The following ZFAND3 variants were observed in gnomAD, a reference collection of about 807,000 sequenced individuals.
ZFAND3 encodes AN1-type zinc finger protein 3.
ZFAND3 carries 10 observed loss-of-function variants against 29.6 expected under a neutral mutation model. The ratio of observed to expected loss-of-function variants is 0.34; its 90% CI spans 0.21 to 0.57. The LOEUF (loss-of-function observed/expected upper bound fraction) is 0.57, where lower values mean the gene tolerates loss of function less well. ZFAND3 is among the 20% of genes least tolerant of loss of function. The probability of loss-of-function intolerance (pLI) is 0.86; values close to 1 mark genes in which losing one functional copy is unlikely to be tolerated. For synonymous variants in ZFAND3, 128 were observed against 112.6 expected (o/e 1.14, Z -0.87); for missense variants, 230 against 304.5 (o/e 0.76, Z 1.82).
chr6:38,037,497 A>C (rs1763681526), intron 2 of ZFAND3, among the ~76,000 whole-genome samples: 1 of 152,226 alleles, frequency 6.6e-6, no homozygotes, highest in South Asian at 2.1e-4. Flanking sequence ...TCTTGATAAA[A>C]ATTTTTCCAT....
At chr6:37,822,715 G>A (rs1367693883) in intron 1 of ZFAND3, among the ~76,000 whole-genome samples, 6 of 152,180 alleles carry the variant, frequency 3.9e-5, no homozygotes, top group Admixed American at 2.6e-4. Context: ...TGACACTTTA[G>A]CCTAGACCCA....
At chr6:37,894,047 G>A (rs1765152826) in intron 1 of ZFAND3, among the ~76,000 whole-genome samples, 1 of 152,078 alleles carries the variant, frequency 6.6e-6, no homozygotes, top group Non-Finnish European at 1.5e-5. Context: ...TTGAGTCCAG[G>A]AGTTCAAGAG....
At chr6:37,955,149 TTG>T (rs3047089) in intron 2 of ZFAND3, among the ~76,000 whole-genome samples, 13 of 148,786 alleles carry the variant, frequency 8.7e-5, no homozygotes, top group South Asian at 6.5e-4. Flanking sequence ...CAACCAATTT[TTG>T]TGTGTGTGTG....
At chr6:37,864,030 A>C (rs1350823125) in intron 1 of ZFAND3, among the ~76,000 whole-genome samples, 3 of 152,154 alleles carry the variant, frequency 2.0e-5, no homozygotes, top group Non-Finnish European at 4.4e-5. Flanking sequence ...AAAAGTTTGA[A>C]TGTGAATTGG....
chr6:37,975,976 A>G (rs1326624178), intron 2 of ZFAND3, among the ~76,000 whole-genome samples: 1 of 151,564 alleles, frequency 6.6e-6, no homozygotes, highest in East Asian at 1.9e-4. Flanking sequence ...GAAAATTTAC[A>G]TCTTAACAAT....
chr6:37,850,562 C>G (rs574429895), intron 1 of ZFAND3, among the ~76,000 whole-genome samples: 1 of 152,250 alleles, frequency 6.6e-6, no homozygotes, highest in East Asian at 1.9e-4. Context: ...ACAAATACCA[C>G]TGTGTCACAG....
At chr6:37,997,650 C>G (rs745952854) in intron 2 of ZFAND3, among the ~76,000 whole-genome samples, 1 of 152,158 alleles carries the variant, frequency 6.6e-6, no homozygotes, top group Non-Finnish European at 1.5e-5. Context: ...CCTTGTGCTC[C>G]TGGGTGAATT....
intron 5 of ZFAND3, among the ~76,000 whole-genome samples, chr6:38,144,274 G>C (rs1766057386): frequency 7.0e-6 from 1 of 143,644 alleles, no homozygotes; most frequent in Non-Finnish European, 1.5e-5. Context: ...AGGAAGATGG[G>C]TCGGGGATAT....
intron 3 of ZFAND3, among the ~76,000 whole-genome samples, chr6:38,081,224 C>G (rs1764654799): frequency 1.3e-5 from 2 of 151,490 alleles, no homozygotes; most frequent in African/African-American, 4.9e-5. Context: ...TAGGTATTTG[C>G]TAAGTGTTCT....
chr6:37,859,528 C>G (rs1341281826), intron 1 of ZFAND3, among the ~76,000 whole-genome samples: 1 of 152,132 alleles, frequency 6.6e-6, no homozygotes, highest in Non-Finnish European at 1.5e-5. Context: ...TTCTACCTAC[C>G]AATTTTCTGA....
chr6:37,822,609 A>C (rs2025431), intron 1 of ZFAND3, among the ~76,000 whole-genome samples: 32,608 of 152,104 alleles, frequency 0.21, 4,305 homozygotes, highest in African/African-American at 0.36. Context: ...GGCACAGGGA[A>C]GTAAACTGAC....
intron 1 of ZFAND3, among the ~76,000 whole-genome samples, chr6:37,903,894 A>G (rs770313325): frequency 6.6e-6 from 1 of 152,322 alleles, no homozygotes; most frequent in East Asian, 1.9e-4. Context: ...TCAAAGGGCA[A>G]TATGACGAAA....
Position 38,097,249 on chromosome 6 carries a change from ATTTTTT to A in ZFAND3, c.361+14807_361+14812del, listed in dbSNP as rs1190146160. ...CACCAGCACACCCGGTTAATTTTTC[ATTTTTT>A]TTTTTTTTTTTTTTAAGAGACGGAG... is the stretch of plus-strand genomic sequence containing the variant. On this transcript the variant is annotated intron_variant, in intron 4 of 5. Transcript: ENST00000287218. Among the ~76,000 whole-genome samples the A allele has an allele frequency of 6.5e-5, 8 of 123,476 alleles. No individual in the cohort carries two copies. In the East Asian group the frequency reaches 9.2e-4, roughly 14 times the overall value. The allele number at this position is 123,476 out of a possible 152,430, so 81.0% of individuals were successfully genotyped here. A position where few individuals can be genotyped will look rare whatever the true frequency, so the allele number is the denominator to read the frequency against.
At chr6:38,051,671 A>T (rs575641750) in intron 2 of ZFAND3, among the ~76,000 whole-genome samples, 142 of 152,358 alleles carry the variant, frequency 9.3e-4, no homozygotes, top group Admixed American at 2.0e-3. Flanking sequence ...CCCTATCTGT[A>T]ATTTTGATGG....
intron 2 of ZFAND3, among the ~76,000 whole-genome samples, chr6:38,031,340 C>G (rs983188803): frequency 5.9e-5 from 9 of 152,208 alleles, no homozygotes; most frequent in Non-Finnish European, 1.2e-4. Context: ...TTCTATACTA[C>G]TATTGTCATT....
chr6:38,095,704 G>A (rs2127475590), intron 4 of ZFAND3, among the ~76,000 whole-genome samples: 1 of 152,212 alleles, frequency 6.6e-6, no homozygotes, highest in Non-Finnish European at 1.5e-5. Context: ...CTTCCATTAT[G>A]TTGGAAAATT....
At chr6:38,085,560 TTATTA>T (rs1338897861) in intron 4 of ZFAND3, among the ~76,000 whole-genome samples, 10 of 152,338 alleles carry the variant, frequency 6.6e-5, no homozygotes, top group African/African-American at 2.2e-4. Context: ...CAAATTCACT[TTATTA>T]TATGTGTGTG....
chr6:38,136,951 A>G (rs1765853286), intron 5 of ZFAND3, among the ~76,000 whole-genome samples: 1 of 152,252 alleles, frequency 6.6e-6, no homozygotes, highest in Non-Finnish European at 1.5e-5. Context: ...TCTTGCATCA[A>G]TTAAATTGCT....
rs570319741 is a variant in ZFAND3, at chr6:37,996,075, G to A, written c.113-65518G>A. Among the ~76,000 whole-genome samples the A allele has an allele frequency of 1.6e-3, 242 of 149,228 alleles. 1 individual carries two copies. The highest frequency in any genetic ancestry group is 5.7e-3 in the African/African-American group (232 of 40,460). On this transcript the variant is annotated intron_variant, in intron 2 of 5. Transcript: ENST00000287218. ...ACCTGGGAGGCGTAGGTTGCAGTGAGCCGAGATCACACCACTGTACTCCAG... is the reference window on the plus strand; with the variant it reads ...ACCTGGGAGGCGTAGGTTGCAGTGAACCGAGATCACACCACTGTACTCCAG...
Sources: gnomAD v4.1 joint callset for allele counts (sites outside exome capture counted in the v4.1 genomes callset) on GRCh38, gnomAD v4.1.1 for gene constraint, MANE v1.5 for transcripts, NCBI Gene and HGNC (gene_info 2026-07-23, HGNC 2026-07-21) for gene names.